Variants in PDE1C observed in about 807,000 individuals in gnomAD.
The protein encoded by PDE1C is phosphodiesterase 1C.
Under a neutral mutation model 93.1 loss-of-function variants are expected in PDE1C, and 62 were observed. The observed-to-expected ratio is 0.67, with a 90% CI of 0.54 to 0.82. PDE1C has a LOEUF of 0.82. Among genes scored for constraint, PDE1C ranks in the 40% least tolerant of loss-of-function variants. The pLI, the probability that PDE1C is intolerant of heterozygous loss-of-function variation, is 0.00. For missense variants in PDE1C, 742 were observed against 884.6 expected (o/e 0.84, Z 2.04); for synonymous variants, 325 against 310.1 (o/e 1.05, Z -0.50).
At chr7:31,944,082 C>A (rs183090837) in intron 2 of PDE1C, among the ~76,000 whole-genome samples, 1 of 152,126 alleles carries the variant, frequency 6.6e-6, no homozygotes, top group Non-Finnish European at 1.5e-5. Flanking sequence ...CCAAGACCAA[C>A]AGCCTCCCCT....
chr7:31,659,634 T>C, the PDE1C span, among the ~76,000 whole-genome samples: 1 of 152,232 alleles, frequency 6.6e-6, no homozygotes, highest in African/African-American at 2.4e-5. Flanking sequence ...TGTAGAGCCA[T>C]ACATTTTGCT....
In PDE1C at chr7:31,959,187, G is replaced by GT. The variant is rs145074347; in HGVS notation, c.129-78328dup. ...CATAATTTTGGTCAATTTGTTTTTT[G>GT]TTTTTTGTTTTGTTGTTTGTTTGTT... On this transcript the variant is annotated intron_variant, in intron 2 of 17. Coordinates refer to ENST00000396191, the MANE Select transcript of PDE1C (RefSeq NM_001191057.4). Among the ~76,000 whole-genome samples, 50 of 150,046 alleles carry GT rather than the reference G, an allele frequency of 3.3e-4. No homozygotes were observed. The East Asian group carries it at 3.5e-3, about 11-fold the overall frequency.
chr7:32,097,323 A>G (rs1797806256), intron 3 of PDE1C, among the ~76,000 whole-genome samples: 1 of 152,230 alleles, frequency 6.6e-6, no homozygotes, highest in Non-Finnish European at 1.5e-5. Context: ...ACATTTAAAT[A>G]TAGCTACTGA....
chr7:31,660,962 T>C, the PDE1C span, among the ~76,000 whole-genome samples: 3 of 152,034 alleles, frequency 2.0e-5, no homozygotes, highest in Non-Finnish European at 4.4e-5. Flanking sequence ...CAATTACAAA[T>C]AAAACACTTA....
intron 6 of PDE1C, among the ~76,000 whole-genome samples, chr7:31,871,837 T>C (rs1303884551): frequency 6.6e-6 from 1 of 151,804 alleles, no homozygotes; most frequent in East Asian, 1.9e-4. Flanking sequence ...AGAACTACCA[T>C]GCAATCCAGC....
intron 2 of PDE1C, among the ~76,000 whole-genome samples, chr7:31,972,416 A>G (rs73096603): frequency 6.6e-6 from 1 of 152,346 alleles, no homozygotes; most frequent in Non-Finnish European, 1.5e-5. Flanking sequence ...CTGAGAAAAC[A>G]GAAGATCAAA....
intron 1 of PDE1C, among the ~76,000 whole-genome samples, chr7:32,324,065 A>G (rs555439889): frequency 6.6e-6 from 1 of 152,212 alleles, no homozygotes; most frequent in Non-Finnish European, 1.5e-5. Flanking sequence ...GAATGATTTA[A>G]TGGTTGAAAA....
chr7:31,914,872 G>T (rs1201849867), intron 2 of PDE1C, among the ~76,000 whole-genome samples: 3 of 152,038 alleles, frequency 2.0e-5, no homozygotes, highest in African/African-American at 7.2e-5. Flanking sequence ...GCAATGACAG[G>T]GTATGCTCAG....
chr7:32,076,975 G>A (rs1485339785), intron 3 of PDE1C, among the ~76,000 whole-genome samples: 5 of 150,506 alleles, frequency 3.3e-5, no homozygotes, highest in Admixed American at 6.6e-5. Flanking sequence ...AGTGGCTCAC[G>A]CCTGTAATCC....
At chr7:32,033,046 T>C (rs1790548841) in intron 2 of PDE1C, among the ~76,000 whole-genome samples, 1 of 152,014 alleles carries the variant, frequency 6.6e-6, no homozygotes, top group South Asian at 2.1e-4. Flanking sequence ...TCAAAACTAA[T>C]CTTCAGCTGA....
chr7:32,290,724 G>T (rs10271037), intron 1 of PDE1C, among the ~76,000 whole-genome samples: 48,424 of 151,938 alleles, frequency 0.32, 8,787 homozygotes, highest in African/African-American at 0.48. Context: ...ACCATCACAA[G>T]TGACACAGTA....
intron 17 of PDE1C, among the ~76,000 whole-genome samples, chr7:31,757,375 A>T (rs1219845849): frequency 6.6e-6 from 1 of 152,174 alleles, no homozygotes; most frequent in East Asian, 1.9e-4. Flanking sequence ...CTAGTCATGT[A>T]ACTTTTAAAA....
At chr7:32,099,707 G>A (rs917860351) in intron 3 of PDE1C, among the ~76,000 whole-genome samples, 4 of 152,036 alleles carry the variant, frequency 2.6e-5, no homozygotes, top group South Asian at 4.2e-4. Flanking sequence ...TCACTCTTAC[G>A]TTTCCTAGAC....
intron 3 of PDE1C, among the ~76,000 whole-genome samples, chr7:32,112,253 C>G (rs1047094455): frequency 6.6e-6 from 1 of 152,000 alleles, no homozygotes; most frequent in South Asian, 2.1e-4. Flanking sequence ...CTCCTGCTTC[C>G]TTATTTTCCT....
chr7:32,267,131 G>T (rs1048115390), intron 1 of PDE1C, among the ~76,000 whole-genome samples: 1 of 152,238 alleles, frequency 6.6e-6, no homozygotes, highest in South Asian at 2.1e-4. Flanking sequence ...CCTGAGCAGC[G>T]GCGGCCCCTG....
At chr7:32,013,708 G>T (rs1292515256) in intron 2 of PDE1C, among the ~76,000 whole-genome samples, 1 of 152,228 alleles carries the variant, frequency 6.6e-6, no homozygotes, top group Non-Finnish European at 1.5e-5. Context: ...AAATATTTTG[G>T]CTAAATTGTG....
chr7:31,978,922 T>A (rs1812024204), intron 2 of PDE1C, among the ~76,000 whole-genome samples: 1 of 152,156 alleles, frequency 6.6e-6, no homozygotes, highest in African/African-American at 2.4e-5. Context: ...TATTTCCTCA[T>A]CATAAAAATC....
the PDE1C span, among the ~76,000 whole-genome samples, chr7:31,677,112 A>G: frequency 6.6e-6 from 1 of 152,234 alleles, no homozygotes; most frequent in Non-Finnish European, 1.5e-5. Context: ...CAAAGCAGAG[A>G]TGGAAGTCTA....
chr7:32,260,577 G>A (rs188677898), intron 1 of PDE1C, among the ~76,000 whole-genome samples: 10 of 152,286 alleles, frequency 6.6e-5, no homozygotes, highest in Admixed American at 6.5e-4. Flanking sequence ...CCCCTGTGGT[G>A]AAACCAACTT....
Sources: allele counts gnomAD v4.1 joint callset (sites outside exome capture counted in the v4.1 genomes callset), GRCh38; gene constraint gnomAD v4.1.1; transcripts MANE v1.5; gene names NCBI Gene and HGNC (gene_info 2026-07-23, HGNC 2026-07-21).